Variants in EHD4 observed in about 807,000 individuals in gnomAD.
The protein encoded by EHD4 is EH domain containing 4, also known as EH domain-containing protein 4.
EHD4 carries 37 observed loss-of-function variants against 51.0 expected under a neutral mutation model. The observed-to-expected ratio is 0.73, with a 90% confidence interval of 0.56 to 0.95. The LOEUF (loss-of-function observed/expected upper bound fraction) is 0.95, where lower values mean the gene tolerates loss of function less well. EHD4 is among the 40% of genes least tolerant of loss of function. The pLI is 0.00. For missense variants in EHD4, 632 were observed against 733.1 expected (o/e 0.86, Z 1.59); for synonymous variants, 297 against 317.3 (o/e 0.94, Z 0.68).
chr15:41,925,058 T>TC (rs2067652138), intron 3 of EHD4, among the ~76,000 whole-genome samples: 1 of 63,954 alleles, frequency 1.6e-5, no homozygotes, highest in South Asian at 6.5e-4. Context: ...GGACTGTATC[T>TC]CAAAAAAAAA....
At position 41,900,777 on chromosome 15, in the gene EHD4, C is replaced by G. The variant is rs761241320; in HGVS notation, c.1494G>C (p.Met498Ile). 5.6e-6 allele frequency: 9 copies of G among 1,614,058 alleles called. No homozygotes were observed. The highest frequency in any genetic ancestry group is 7.6e-6 in the Non-Finnish European group (9 of 1,180,062). The change falls in exon 6 of 6, where the codon ATG (methionine) becomes ATC (isoleucine). Residue 498 changes from methionine (M) to isoleucine (I), a missense_variant. Transcript: ENST00000220325. The surrounding 1 kb of genome is among the most constrained non-coding windows in gnomAD (Gnocchi z 4.8). Reference protein sequence around the residue: ...WKLADCDCDGMLDEEEFALAK... With the variant: ...WKLADCDCDGILDEEEFALAK... ...CCAGCGCGAACTCCTCCTCATCAAG[C>G]ATGCCGTCGCAGTCGCAGTCGGCCA...
Position 41,909,816 on chromosome 15 carries a change from T to C in EHD4, c.972A>G (p.Val324=). 1.2e-6 allele frequency: 2 copies of C among 1,614,224 alleles called. No homozygotes were observed. ...CTCTCTTCTTGTTTTCCTTTCCAAATACACTTGGCATCTCCTTCTTCAGGT... is the reference window on the plus strand; with the variant it reads ...CTCTCTTCTTGTTTTCCTTTCCAAACACACTTGGCATCTCCTTCTTCAGGT... ...ISYLKKEMPS[V]FGKENKKREL... is the part of the protein sequence containing the mutation. The change falls in exon 5 of 6, where the codon GTA becomes GTG. Residue 324 remains valine, a synonymous_variant. Coordinates refer to ENST00000220325, the MANE Select transcript of EHD4 (RefSeq NM_139265.4).
intron 3 of EHD4, among the ~76,000 whole-genome samples, chr15:41,932,524 A>T (rs2140994638): frequency 6.6e-6 from 1 of 152,308 alleles, no homozygotes; most frequent in South Asian, 2.1e-4. Flanking sequence ...ACAGGAGGCA[A>T]TTTTGAGAAA....
At chr15:41,963,296 T>TA (rs35077069) in intron 1 of EHD4, among the ~76,000 whole-genome samples, 77,060 of 126,842 alleles carry the variant, frequency 0.61, 23,566 homozygotes, top group Non-Finnish European at 0.72. Flanking sequence ...CAATAAATAC[T>TA]AAAAAAAAAA....
rs991456849 is a variant in EHD4, at chr15:41,899,391, G to A, written c.*1254C>T. ...CTCTGGAGCAGAAGTACAGGTATGT[G>A]CCCGAATCCTGCCTCGTGATGGGCA... On this transcript the variant is annotated 3_prime_UTR_variant, in exon 6 of 6. Coordinates refer to ENST00000220325, the MANE Select transcript of EHD4 (RefSeq NM_139265.4). The A allele has an allele frequency of 2.0e-5, 3 of 152,074 alleles. No individual in the cohort carries two copies. The highest frequency in any genetic ancestry group is 2.9e-5 in the Non-Finnish European group (2 of 68,022). The allele number at this position is 152,074 out of a possible 1,614,324, so 9.4% of individuals were successfully genotyped here. A position where few individuals can be genotyped will look rare whatever the true frequency, so the allele number is the denominator to read the frequency against.
intron 5 of EHD4, among the ~76,000 whole-genome samples, chr15:41,906,023 T>C (rs146047815): frequency 3.3e-4 from 51 of 152,316 alleles, no homozygotes; most frequent in African/African-American, 1.0e-3. Context: ...AGAACAGTGA[T>C]AGCAGCAGGA....
intron 2 of EHD4, among the ~76,000 whole-genome samples, chr15:41,943,607 C>T (rs2067791745): frequency 6.6e-6 from 1 of 152,220 alleles, no homozygotes; most frequent in African/African-American, 2.4e-5. Context: ...AAACCAAGGT[C>T]AGCCTGCCTC....
rs978250071 is a variant in EHD4 at position 41,900,431 on chromosome 15, A to T, written c.*214T>A. The T allele has an allele frequency of 5.1e-6, 3 of 587,140 alleles. No homozygotes were observed. Among genetic ancestry groups the T allele is most frequent in the African/African-American group, 1.9e-5 (1 of 52,970 alleles). 36.4% of individuals were successfully genotyped at this position (587,140 alleles called of 1,614,324 possible). A position where few individuals can be genotyped will look rare whatever the true frequency, so the allele number is the denominator to read the frequency against. On this transcript the variant is annotated 3_prime_UTR_variant, in exon 6 of 6. Transcript: ENST00000220325. This position sits in a 1 kb window ranked among gnomAD's most constrained non-coding sequence, Gnocchi z 4.8. ...TCTCAACCCTTCAATCTCCTAATCC[A>T]CCCCCCTACCCCCAATATTTTCATA...
chr15:41,904,956 T>G (rs1392278471), intron 5 of EHD4, among the ~76,000 whole-genome samples: 1 of 152,244 alleles, frequency 6.6e-6, no homozygotes, highest in African/African-American at 2.4e-5. Flanking sequence ...CTGCTACAGC[T>G]AAGAGTCACT....
At chr15:41,956,274 C>G (rs1316450153) in intron 1 of EHD4, among the ~76,000 whole-genome samples, 4 of 152,106 alleles carry the variant, frequency 2.6e-5, no homozygotes, top group Non-Finnish European at 4.4e-5. Flanking sequence ...TTGGGTGGCT[C>G]GCGGCAACAC....
At chr15:41,933,296 G>A (rs1222457234) in intron 3 of EHD4, among the ~76,000 whole-genome samples, 2 of 152,206 alleles carry the variant, frequency 1.3e-5, no homozygotes, top group Non-Finnish European at 1.5e-5. Context: ...CAAGCCACAC[G>A]TGTATCCTGG....
At chr15:41,958,644 A>T (rs1002498999) in intron 1 of EHD4, among the ~76,000 whole-genome samples, 3 of 152,178 alleles carry the variant, frequency 2.0e-5, no homozygotes, top group African/African-American at 7.2e-5. Context: ...CTTCTCAACG[A>T]TGAGCTTAAG....
At chr15:41,966,586 G>A (rs752735870) in intron 1 of EHD4, among the ~76,000 whole-genome samples, 1 of 152,054 alleles carries the variant, frequency 6.6e-6, no homozygotes, top group Non-Finnish European at 1.5e-5. Context: ...TGGGGCTGCT[G>A]AGCCAGCAGA....
chr15:41,912,712 T>A (rs959928065), intron 4 of EHD4, among the ~76,000 whole-genome samples: 6 of 151,630 alleles, frequency 4.0e-5, no homozygotes, highest in Admixed American at 6.6e-5. Context: ...GAAAAAAAAA[T>A]TCATCAAGTC....
chr15:41,946,198 G>C (rs1482272552), intron 2 of EHD4, among the ~76,000 whole-genome samples: 1 of 152,168 alleles, frequency 6.6e-6, no homozygotes, highest in Non-Finnish European at 1.5e-5. Context: ...AAAATATGCA[G>C]ACACATGCTG....
chr15:41,913,185 T>G (rs1289363610), intron 4 of EHD4, among the ~76,000 whole-genome samples: 1 of 152,230 alleles, frequency 6.6e-6, no homozygotes, highest in South Asian at 2.1e-4. Flanking sequence ...GATGGCATCC[T>G]GTCATTTTCT....
At chr15:41,964,808 G>A (rs886958023) in intron 1 of EHD4, among the ~76,000 whole-genome samples, 1 of 150,866 alleles carries the variant, frequency 6.6e-6, no homozygotes, top group African/African-American at 2.4e-5. Flanking sequence ...GCCTCACTCA[G>A]TTGCCCAGAC....
At position 41,901,019 on chromosome 15, in the gene EHD4, C is replaced by T. The variant is rs764486980; in HGVS notation, c.1252G>A (p.Asp418Asn). Residue 418 changes from aspartate (D) to asparagine (N), a missense_variant, in exon 6 of 6, where the codon GAT becomes AAT. Physicochemically the swap from Asp to Asn is conservative, Grantham distance 23 (BLOSUM62 1). Coordinates refer to ENST00000220325, the MANE Select transcript of EHD4 (RefSeq NM_139265.4). Reference protein sequence around the residue: ...PTQLVQGGAFDGTTEGPFNQG... With the variant: ...PTQLVQGGAFNGTTEGPFNQG... ...TTGAAGGGGCCCTCGGTGGTGCCATCGAAGGCGCCGCCCTGCACCAGCTGC... is the reference window on the plus strand; with the variant it reads ...TTGAAGGGGCCCTCGGTGGTGCCATTGAAGGCGCCGCCCTGCACCAGCTGC... The T allele has an allele frequency of 6.2e-6, 10 of 1,608,236 alleles. No individual in the cohort carries two copies. Among genetic ancestry groups the T allele is most frequent in the African/African-American group, 2.7e-5 (2 of 74,828 alleles).
intron 4 of EHD4, among the ~76,000 whole-genome samples, chr15:41,910,730 G>A (rs1254579989): frequency 6.6e-6 from 1 of 152,074 alleles, no homozygotes; most frequent in Non-Finnish European, 1.5e-5. Flanking sequence ...CACCACGCCT[G>A]GCTAATTTTT....
Sources: gnomAD v4.1 joint callset for allele counts (sites outside exome capture counted in the v4.1 genomes callset) on GRCh38, gnomAD v4.1.1 for gene constraint, Gnocchi (gnomAD v3.1) non-coding constraint, MANE v1.5 for transcripts, NCBI Gene and HGNC (gene_info 2026-07-23, HGNC 2026-07-21) for gene names.